The following GRHL2 variants were observed in gnomAD, a reference collection of about 807,000 sequenced individuals.
The protein encoded by GRHL2 is grainyhead-like protein 2 homolog.
GRHL2 carries 21 observed loss-of-function variants against 83.8 expected under a neutral mutation model. The observed-to-expected ratio is 0.25, with a 90% CI of 0.18 to 0.36. The LOEUF (loss-of-function observed/expected upper bound fraction) is 0.36, where lower values mean the gene tolerates loss of function less well. Among genes scored for constraint, GRHL2 ranks in the 10% least tolerant of loss-of-function variants. GRHL2 has a pLI of 1.00. For missense variants in GRHL2, 623 were observed against 781.8 expected (o/e 0.80, Z 2.42); for synonymous variants, 280 against 278.9 (o/e 1.00, Z -0.04).
At position 101,558,471 on chromosome 8, in the gene GRHL2, C is replaced by A; in HGVS notation, c.337C>A (p.Arg113=). The A allele has an allele frequency of 6.2e-7, 1 of 1,614,074 alleles. No homozygotes were observed. Among genetic ancestry groups the A allele is most frequent in the South Asian group, 1.1e-5 (1 of 91,066 alleles). ...GAGTAATTTGAGTGGAGGAGAAAAC[C>A]GAGTGCAAGTCCTAAAGACTGTTCC... The part of the protein sequence containing the change: ...AQSNLSGGEN[R]VQVLKTVPVN... Residue 113 remains arginine, a synonymous_variant, in exon 4 of 16, where the codon CGA becomes AGA. Coordinates refer to ENST00000646743, the MANE Select transcript of GRHL2 (RefSeq NM_024915.4).
At chr8:101,511,506 C>G (rs1267735126) in intron 1 of GRHL2, among the ~76,000 whole-genome samples, 1 of 152,148 alleles carries the variant, frequency 6.6e-6, no homozygotes, top group Non-Finnish European at 1.5e-5. Context: ...TGCCACCACA[C>G]CTGGCTAATT....
rs146537249 is a variant in GRHL2 at position 101,582,943 on chromosome 8, T to G, written c.1003+5424T>G. On this transcript the variant is annotated intron_variant, in intron 7 of 15. Coordinates refer to ENST00000646743, the MANE Select transcript of GRHL2 (RefSeq NM_024915.4). The stretch of plus-strand genomic sequence containing the variant: ...TTTTTCTGTTGTTGAATGAAGCAGA[T>G]TTTAGAGATCCAAGATGTGTAAGAG... 8.5e-5 allele frequency among the ~76,000 whole-genome samples: 13 copies of G among 152,290 alleles called. No individual in the cohort carries two copies. In the East Asian group the frequency reaches 2.5e-3, roughly 29 times the overall value.
chr8:101,538,618 C>T (rs779004278), intron 1 of GRHL2, among the ~76,000 whole-genome samples: 2 of 152,124 alleles, frequency 1.3e-5, no homozygotes, highest in Non-Finnish European at 2.9e-5. Flanking sequence ...ATTTAAGAAG[C>T]GGACCAGAGC....
At chr8:101,582,080 A>T (rs1693950080) in intron 7 of GRHL2, among the ~76,000 whole-genome samples, 3 of 152,112 alleles carry the variant, frequency 2.0e-5, no homozygotes, top group Admixed American at 6.5e-5. Flanking sequence ...TCTACTAAAA[A>T]TATAAAAATT....
At chr8:101,536,539 C>G (rs575455492) in intron 1 of GRHL2, among the ~76,000 whole-genome samples, 2 of 152,156 alleles carry the variant, frequency 1.3e-5, no homozygotes, top group African/African-American at 2.4e-5. Flanking sequence ...GGTGAAGAAA[C>G]TGATACACAG....
Position 101,599,237 on chromosome 8 carries a change from G to A in GRHL2, c.1098+86G>A, listed in dbSNP as rs561309653. On this transcript the variant is annotated intron_variant, in intron 8 of 15. Transcript: ENST00000646743. ...TCTTTTTTAAAAGCCTGTATCAGTA[G>A]CCTCCTATTAAAAAGAAATGAACCT... 2.0e-5 allele frequency: 18 copies of A among 881,642 alleles called. No homozygotes were observed. In the East Asian group the frequency reaches 4.6e-4, roughly 23 times the overall value. 54.6% of individuals were successfully genotyped at this position (881,642 alleles called of 1,614,324 possible). A position where few individuals can be genotyped will look rare whatever the true frequency, so the allele number is the denominator to read the frequency against.
chr8:101,544,026 G>A lies in GRHL2; in HGVS notation c.216+590G>A, dbSNP rs141766017. 1.7e-3 allele frequency: 266 copies of A among 158,708 alleles called. 3 individuals are homozygous for A. The highest frequency in any genetic ancestry group is 5.8e-3 in the African/African-American group (243 of 41,568). The allele number at this position is 158,708 out of a possible 1,614,324, so 9.8% of individuals were successfully genotyped here. A position where few individuals can be genotyped will look rare whatever the true frequency, so the allele number is the denominator to read the frequency against. ...TATTCGCTATCACGAGAACAGTATG[G>A]GGGAAACTGCTCCCACAATTCAAAT... On this transcript the variant is annotated intron_variant, in intron 2 of 15. Transcript: ENST00000646743.
intron 6 of GRHL2, among the ~76,000 whole-genome samples, chr8:101,575,456 A>T (rs1811914972): frequency 6.6e-6 from 1 of 152,126 alleles, no homozygotes; most frequent in African/African-American, 2.4e-5. Context: ...TCTTGGAAGG[A>T]CTTCAACCTC....
chr8:101,501,410 C>T (rs934760473), intron 1 of GRHL2, among the ~76,000 whole-genome samples: 2 of 152,114 alleles, frequency 1.3e-5, no homozygotes, highest in African/African-American at 4.8e-5. Context: ...TATAACTAAC[C>T]CTGAGAGCCA....
intron 1 of GRHL2, among the ~76,000 whole-genome samples, chr8:101,525,296 C>T (rs1267773926): frequency 6.6e-6 from 1 of 152,040 alleles, no homozygotes. Context: ...CAGTGCTTCT[C>T]AAATTTTTGT....
At chr8:101,542,006 A>C (rs1811163897) in intron 1 of GRHL2, among the ~76,000 whole-genome samples, 1 of 152,238 alleles carries the variant, frequency 6.6e-6, no homozygotes, top group African/African-American at 2.4e-5. Flanking sequence ...GATCTACAAT[A>C]GAGTCCGTCT....
intron 1 of GRHL2, chr8:101,529,076 C>A: frequency 5.3e-6 from 2 of 380,602 alleles, no homozygotes; most frequent in South Asian, 4.1e-5. Flanking sequence ...GGGAGTTCTT[C>A]CTCTTTGACA....
At chr8:101,511,881 A>G (rs1056451937) in intron 1 of GRHL2, among the ~76,000 whole-genome samples, 4 of 152,180 alleles carry the variant, frequency 2.6e-5, no homozygotes, top group Non-Finnish European at 4.4e-5. Flanking sequence ...AGGTCTTTAC[A>G]TAATTGTTTT....
intron 6 of GRHL2, among the ~76,000 whole-genome samples, chr8:101,576,377 G>C (rs1026611329): frequency 1.3e-5 from 2 of 152,008 alleles, no homozygotes; most frequent in South Asian, 2.1e-4. Context: ...ACCATGCCTG[G>C]CTTTTTATTT....
intron 1 of GRHL2, among the ~76,000 whole-genome samples, chr8:101,521,533 C>A (rs1810683740): frequency 6.6e-6 from 1 of 150,472 alleles, no homozygotes; most frequent in Non-Finnish European, 1.5e-5. Flanking sequence ...GTTGTATATT[C>A]TTCTGTCAGA....
rs188802562 is a variant in GRHL2, at chr8:101,503,630, T to A, written c.20+10841T>A. Among the ~76,000 whole-genome samples the A allele has an allele frequency of 2.1e-3, 326 of 152,300 alleles. 2 individuals are homozygous for A. Among genetic ancestry groups the A allele is most frequent in the Non-Finnish European group, 4.0e-4 (27 of 68,016 alleles). On this transcript the variant is annotated intron_variant, in intron 1 of 15. Transcript: ENST00000646743. Reference sequence around the variant, plus strand: ...TGTCTTAAAGACATAACTAAAGATATAAAGTGCCACATGATTTTTAAAAGT... The same window carrying A: ...TGTCTTAAAGACATAACTAAAGATAAAAAGTGCCACATGATTTTTAAAAGT...
intron 1 of GRHL2, among the ~76,000 whole-genome samples, chr8:101,509,162 C>CT (rs1286467710): frequency 3.0e-5 from 3 of 101,146 alleles, no homozygotes; most frequent in Non-Finnish European, 6.5e-5. Context: ...TCCTTCCTTT[C>CT]TTTCTTTCTT....
chr8:101,562,059 C>G, intron 4 of GRHL2: 1 of 733,748 alleles, frequency 1.4e-6, no homozygotes, highest in Non-Finnish European at 2.4e-6. Flanking sequence ...TCTCTTCCAA[C>G]TACTTCCCTT....
At position 101,536,180 on chromosome 8, in the gene GRHL2, T is replaced by C. The variant is rs1169837611; in HGVS notation, c.21-7061T>C. Among the ~76,000 whole-genome samples, 4 of 152,320 alleles carry C rather than the reference T, an allele frequency of 2.6e-5. No individual in the cohort carries two copies. In the South Asian group the frequency reaches 6.2e-4, roughly 24 times the overall value. On this transcript the variant is annotated intron_variant, in intron 1 of 15. Transcript: ENST00000646743. ...GTACAAGGAAGTAAATTTTGAAAAG[T>C]AGGTTGGAACCAGATAATGGAAGAC... is the stretch of plus-strand genomic sequence containing the variant.
Sources: allele counts gnomAD v4.1 joint callset (sites outside exome capture counted in the v4.1 genomes callset), GRCh38; gene constraint gnomAD v4.1.1; transcripts MANE v1.5; gene names NCBI Gene and HGNC (gene_info 2026-07-23, HGNC 2026-07-21).